The following MARCHF8 variants were observed in gnomAD, a reference collection of about 807,000 sequenced individuals.
MARCHF8 encodes membrane associated ring-CH-type finger 8, also known as E3 ubiquitin-protein ligase MARCHF8.
Under a neutral mutation model 51.6 loss-of-function variants are expected in MARCHF8, and 40 were observed. The ratio of observed to expected loss-of-function variants is 0.77; its 90% CI spans 0.60 to 1.01. MARCHF8 has a LOEUF of 1.01. Ranked by LOEUF, MARCHF8 falls within the 50% of genes least tolerant of loss-of-function variation. The pLI is 0.00. For synonymous variants in MARCHF8, 263 were observed against 280.3 expected (o/e 0.94, Z 0.62); for missense variants, 685 against 708.6 (o/e 0.97, Z 0.38).
At chr10:45,522,266 G>A (rs1446967001) in intron 2 of MARCHF8, among the ~76,000 whole-genome samples, 1 of 152,182 alleles carries the variant, frequency 6.6e-6, no homozygotes, top group Non-Finnish European at 1.5e-5. Context: ...CAGTGGATTG[G>A]TATGGGAGGG....
chr10:45,573,334 G>A (rs1471248122), intron 1 of MARCHF8, among the ~76,000 whole-genome samples: 1 of 152,160 alleles, frequency 6.6e-6, no homozygotes, highest in Non-Finnish European at 1.5e-5. Flanking sequence ...ATAAAGTAGA[G>A]GCAGCCAAGT....
chr10:45,569,668 G>A (rs2044406694), intron 1 of MARCHF8, among the ~76,000 whole-genome samples: 1 of 152,138 alleles, frequency 6.6e-6, no homozygotes, highest in Non-Finnish European at 1.5e-5. Flanking sequence ...AATGTGTGAA[G>A]ATGACTCAAA....
At chr10:45,471,626 T>C (rs1446333896) in intron 3 of MARCHF8, among the ~76,000 whole-genome samples, 1 of 152,256 alleles carries the variant, frequency 6.6e-6, no homozygotes, top group Non-Finnish European at 1.5e-5. Flanking sequence ...AAATATTTCC[T>C]CTGAGAGAAT....
At chr10:45,541,431 GC>G (rs2044051046) in intron 1 of MARCHF8, among the ~76,000 whole-genome samples, 1 of 152,118 alleles carries the variant, frequency 6.6e-6, no homozygotes, top group Non-Finnish European at 1.5e-5. Flanking sequence ...GGGGTGGGGG[GC>G]TAGGGGAGGG....
At chr10:45,484,625 C>A (rs995172632) in intron 3 of MARCHF8, among the ~76,000 whole-genome samples, 1 of 152,062 alleles carries the variant, frequency 6.6e-6, no homozygotes, top group African/African-American at 2.4e-5. Context: ...GTAACAAAAC[C>A]CAAATGGGTG....
intron 5 of MARCHF8, 33 bp downstream of exon 5, chr10:45,463,118 G>A: frequency 5.9e-6 from 9 of 1,532,308 alleles, no homozygotes; most frequent in Non-Finnish European, 7.9e-6. Context: ...TGCGAGCAGA[G>A]ATGGCTAGAA....
chr10:45,542,692 T>A (rs2044069853), intron 1 of MARCHF8, among the ~76,000 whole-genome samples: 1 of 152,212 alleles, frequency 6.6e-6, no homozygotes, highest in Admixed American at 6.5e-5. Context: ...TTATTACATG[T>A]ATTTTAGTAC....
chr10:45,589,026 CATATT>C (rs1399216868), intron 1 of MARCHF8, among the ~76,000 whole-genome samples: 3 of 149,206 alleles, frequency 2.0e-5, no homozygotes, highest in South Asian at 2.1e-4. Flanking sequence ...AAAAAGAATC[CATATT>C]ATAATTTAGT....
intron 3 of MARCHF8, 31 bp downstream of exon 3, chr10:45,489,336 T>TA (rs1564480803): frequency 6.4e-7 from 1 of 1,561,394 alleles, no homozygotes. Context: ...AGACTCAAGG[T>TA]AATAAATAAC....
At chr10:45,551,840 T>TACACACAC (rs139172803) in intron 1 of MARCHF8, among the ~76,000 whole-genome samples, 5,245 of 148,528 alleles carry the variant, frequency 0.035, 123 homozygotes, top group Non-Finnish European at 0.048. Flanking sequence ...GGTATATCTG[T>TACACACAC]ACACACACAC....
chr10:45,477,269 A>G (rs1288199893), intron 3 of MARCHF8, among the ~76,000 whole-genome samples: 3 of 152,220 alleles, frequency 2.0e-5, no homozygotes, highest in Admixed American at 2.0e-4. Context: ...AGAAGAAATA[A>G]AGTCCTTCCC....
chr10:45,492,466 T>C (rs1046059379), intron 2 of MARCHF8, among the ~76,000 whole-genome samples: 13 of 151,960 alleles, frequency 8.6e-5, no homozygotes, highest in Admixed American at 6.6e-5. Flanking sequence ...TCCGGCTCAG[T>C]TTTTGTATTT....
intron 2 of MARCHF8, among the ~76,000 whole-genome samples, chr10:45,497,018 G>A (rs2043185350): frequency 6.6e-6 from 1 of 152,052 alleles, no homozygotes; most frequent in South Asian, 2.1e-4. Flanking sequence ...AAATCAACAG[G>A]AAGGGTTGTC....
At chr10:45,494,334 G>T (rs2043135169) in intron 2 of MARCHF8, among the ~76,000 whole-genome samples, 1 of 152,172 alleles carries the variant, frequency 6.6e-6, no homozygotes, top group South Asian at 2.1e-4. Context: ...AGACAACGAG[G>T]TGAGATGCCT....
intron 1 of MARCHF8, among the ~76,000 whole-genome samples, chr10:45,584,103 G>A (rs1448967967): frequency 1.6e-5 from 2 of 122,380 alleles, no homozygotes; most frequent in African/African-American, 6.2e-5. Context: ...TCCACTTCTA[G>A]ATTCTACCAA....
rs1324948203 is a variant in MARCHF8 at position 45,489,389 on chromosome 10, C to T, written c.131G>A (p.Ser44Asn). The change falls in exon 3 of 8, where the codon AGT (serine) becomes AAT (asparagine). Residue 44 changes from serine (S) to asparagine (N), a missense_variant. Transcript: ENST00000453424. ...TACCTTAGAAATGTTGCTTGAATGA[C>T]TCATGAAATGTCCCAAAGTCTTCTC... ...QNEKTLGHFMSHSSNISKAGS... is the reference protein window; with the variant it reads ...QNEKTLGHFMNHSSNISKAGS... 2 of 1,612,720 alleles carry T rather than the reference C, an allele frequency of 1.2e-6. No individual in the cohort carries two copies. The highest frequency in any genetic ancestry group is 2.2e-5 in the South Asian group (2 of 90,750).
rs1436026347 is a variant in MARCHF8 at position 45,465,109 on chromosome 10, GAA to G, written c.154-784_154-783del. 2.0e-5 allele frequency among the ~76,000 whole-genome samples: 3 copies of G among 152,258 alleles called. No individual in the cohort carries two copies. The East Asian group carries it at 5.8e-4, about 29-fold the overall frequency. ...CAGTGAGGAGAGAAATGGACAGAGA[GAA>G]ATAGGGACAGTGAGTGGCACTGAGC... On this transcript the variant is annotated intron_variant, in intron 3 of 7. Coordinates refer to ENST00000453424, the MANE Select transcript of MARCHF8 (RefSeq NM_001282866.2).
At chr10:45,492,015 C>T (rs2043089516) in intron 2 of MARCHF8, among the ~76,000 whole-genome samples, 1 of 152,188 alleles carries the variant, frequency 6.6e-6, no homozygotes, top group Admixed American at 6.5e-5. Flanking sequence ...ATTATAAACC[C>T]AGATTGAGAG....
intron 2 of MARCHF8, among the ~76,000 whole-genome samples, chr10:45,519,217 G>T (rs2043668421): frequency 1.3e-5 from 2 of 152,170 alleles, no homozygotes; most frequent in South Asian, 2.1e-4. Flanking sequence ...CATGAGTAAG[G>T]TATCATCTGT....
Sources: gnomAD v4.1 joint callset for allele counts (sites outside exome capture counted in the v4.1 genomes callset) on GRCh38, gnomAD v4.1.1 for gene constraint, MANE v1.5 for transcripts, NCBI Gene and HGNC (gene_info 2026-07-23, HGNC 2026-07-21) for gene names.